The following CCM2 variants were observed in gnomAD, a reference collection of about 807,000 sequenced individuals.
The protein encoded by CCM2 is CCM2 scaffold protein, also known as cerebral cavernous malformations 2 protein.
CCM2 carries 25 observed loss-of-function variants against 44.9 expected under a neutral mutation model. The observed-to-expected ratio is 0.56, with a 90% CI of 0.41 to 0.78. CCM2 has a LOEUF of 0.78. Ranked by LOEUF, CCM2 falls within the 30% of genes least tolerant of loss-of-function variation. The pLI, the probability that CCM2 is intolerant of heterozygous loss-of-function variation, is 0.00. For synonymous variants in CCM2, 219 were observed against 241.1 expected (o/e 0.91, Z 0.85); for missense variants, 481 against 580.6 (o/e 0.83, Z 1.76).
At chr7:45,058,784 AT>A (rs200949822) in intron 2 of CCM2, among the ~76,000 whole-genome samples, 12 of 150,228 alleles carry the variant, frequency 8.0e-5, no homozygotes, top group South Asian at 6.3e-4. Flanking sequence ...ACAACGATAT[AT>A]TTTTTTTTGA....
At chr7:45,074,507 A>C (rs750790401) in intron 9 of CCM2, 99 bp downstream of exon 9, 11 of 952,114 alleles carry the variant, frequency 1.2e-5, no homozygotes, top group Non-Finnish European at 1.8e-5. Flanking sequence ...TGGGTGCAGC[A>C]GGGGCTCCAT....
intron 5 of CCM2, among the ~76,000 whole-genome samples, chr7:45,068,857 G>A (rs1175586451): frequency 1.3e-5 from 2 of 152,028 alleles, no homozygotes; most frequent in Non-Finnish European, 2.9e-5. Context: ...GCTCCCCACC[G>A]GTTCCCACCC....
rs1405391565 is a variant in CCM2 at position 45,042,249 on chromosome 7, G to A, written c.204+3823G>A. 4.8e-5 allele frequency among the ~76,000 whole-genome samples: 3 copies of A among 62,700 alleles called. No individual in the cohort carries two copies. In the East Asian group the frequency reaches 1.4e-3, roughly 30 times the overall value. The allele number at this position is 62,700 out of a possible 152,430, so 41.1% of individuals were successfully genotyped here. ...CCACTGCACTCCAGCCTGGGTAACA[G>A]AGCGAGATTCCATCTCAAAAAAAAA... is the stretch of plus-strand genomic sequence containing the variant. On this transcript the variant is annotated intron_variant, in intron 2 of 9. Coordinates refer to ENST00000258781, the MANE Select transcript of CCM2 (RefSeq NM_031443.4).
At chr7:45,052,739 A>G (rs2128741016) in intron 2 of CCM2, among the ~76,000 whole-genome samples, 1 of 152,298 alleles carries the variant, frequency 6.6e-6, no homozygotes, top group South Asian at 2.1e-4. Context: ...CATAATTTCT[A>G]TAGGAGCCAG....
chr7:45,000,333 T>C lies in CCM2; in HGVS notation c.-1T>C. On this transcript the variant is annotated 5_prime_UTR_variant, in exon 1 of 10. Transcript: ENST00000258781. ...GGGCCGCGGGAGCCGCACGCGGCGA[T>C]ATGGAAGAGGAGGGCAAGAAGGGCA... The C allele has an allele frequency of 8.4e-7, 1 of 1,197,544 alleles. No homozygotes were observed. Among genetic ancestry groups the C allele is most frequent in the South Asian group, 3.1e-5 (1 of 32,782 alleles). The allele number at this position is 1,197,544 out of a possible 1,614,324, so 74.2% of individuals were successfully genotyped here. A position where few individuals can be genotyped will look rare whatever the true frequency, so the allele number is the denominator to read the frequency against.
At chr7:45,070,092 A>C (rs567486955) in intron 6 of CCM2, 131 bp downstream of exon 6, 14 of 1,210,998 alleles carry the variant, frequency 1.2e-5, no homozygotes, top group Admixed American at 3.8e-5. Context: ...TTTTGTTTCC[A>C]GACTTTGCTG....
At position 45,012,130 on chromosome 7, in the gene CCM2, C is replaced by CTTTTTTTTTTTTTTTTTTTTTTTT. The variant is rs60568953; in HGVS notation, c.30+11787_30+11788insTTTTTTTTTTTTTTTTTTTTTTTT. On this transcript the variant is annotated intron_variant, in intron 1 of 9. Coordinates refer to ENST00000258781, the MANE Select transcript of CCM2 (RefSeq NM_031443.4). The stretch of plus-strand genomic sequence containing the variant: ...ACATACACATTTAGGATCATAATAT[C>CTTTTTTTTTTTTTTTTTTTTTTTT]TTTTTTTTTTTTTTTTTTTTGAGAT... Among the ~76,000 whole-genome samples the CTTTTTTTTTTTTTTTTTTTTTTTT allele has an allele frequency of 3.2e-5, 3 of 94,090 alleles. 1 individual carries two copies. Among genetic ancestry groups the CTTTTTTTTTTTTTTTTTTTTTTTT allele is most frequent in the Non-Finnish European group, 4.4e-5 (2 of 45,856 alleles). The allele number at this position is 94,090 out of a possible 152,430, so 61.7% of individuals were successfully genotyped here. A position where few individuals can be genotyped will look rare whatever the true frequency, so the allele number is the denominator to read the frequency against.
intron 6 of CCM2, chr7:45,071,735 CCT>C (rs1235294162): frequency 2.2e-6 from 1 of 456,686 alleles, no homozygotes; most frequent in Admixed American, 2.3e-5. Context: ...CATGGCCCTT[CCT>C]CTGTCTTCAC....
Position 45,038,429 on chromosome 7 carries a change from A to G in CCM2, c.204+3A>G, listed in dbSNP as rs1476040740. On this transcript the variant is annotated splice_donor_region_variant and intron_variant, in intron 2 of 9. Transcript: ENST00000258781. ...ACTATATTGAGAAGGAGGTAAAGGT[A>G]AGTCGTCATGGGCCACAGGACGTGC... is the stretch of plus-strand genomic sequence containing the variant. 1 of 1,613,924 alleles carries G rather than the reference A, an allele frequency of 6.2e-7. No individual in the cohort carries two copies. Among genetic ancestry groups the G allele is most frequent in the Non-Finnish European group, 8.5e-7 (1 of 1,180,006 alleles).
At chr7:45,051,880 T>C (rs983762127) in intron 2 of CCM2, among the ~76,000 whole-genome samples, 2 of 152,154 alleles carry the variant, frequency 1.3e-5, no homozygotes, top group Non-Finnish European at 2.9e-5. Flanking sequence ...TAATTTTTTG[T>C]ATTTTTAGTA....
intron 2 of CCM2, among the ~76,000 whole-genome samples, chr7:45,055,131 A>G (rs1420852782): frequency 1.3e-5 from 2 of 152,160 alleles, no homozygotes; most frequent in African/African-American, 4.8e-5. Flanking sequence ...CACCAAAGAA[A>G]AGCAAGATAA....
chr7:45,048,954 C>G (rs1797878159), intron 2 of CCM2, among the ~76,000 whole-genome samples: 1 of 152,102 alleles, frequency 6.6e-6, no homozygotes. Flanking sequence ...AAGCTCTTCT[C>G]AGATTTGTTA....
chr7:45,013,725 T>C (rs1341062482), intron 1 of CCM2, among the ~76,000 whole-genome samples: 1 of 152,264 alleles, frequency 6.6e-6, no homozygotes, highest in Non-Finnish European at 1.5e-5. Context: ...TGCATGTCTC[T>C]TTAGGCTCTT....
Position 45,004,576 on chromosome 7 carries a change from G to T in CCM2, c.30+4213G>T, listed in dbSNP as rs989666733. On this transcript the variant is annotated intron_variant, in intron 1 of 9. Coordinates refer to ENST00000258781, the MANE Select transcript of CCM2 (RefSeq NM_031443.4). ...ACCTTTTAAAATTTGGTCACTGCAG[G>T]CACCAGGAAGCCATACCTTCTCCAT... Among the ~76,000 whole-genome samples, 6 of 152,194 alleles carry T rather than the reference G, an allele frequency of 3.9e-5. No individual in the cohort carries two copies. The East Asian group carries it at 9.6e-4, about 24-fold the overall frequency.
At chr7:45,061,083 A>G (rs1323694067) in intron 2 of CCM2, among the ~76,000 whole-genome samples, 1 of 152,038 alleles carries the variant, frequency 6.6e-6, no homozygotes, top group Non-Finnish European at 1.5e-5. Context: ...TTTGTCTTCC[A>G]TTGTTTTTGG....
In CCM2 at chr7:45,074,106, A is replaced by G; in HGVS notation, c.916-164A>G. The G allele has an allele frequency of 2.7e-6, 4 of 1,458,596 alleles. No individual in the cohort carries two copies. The South Asian group carries it at 4.0e-5, about 15-fold the overall frequency. 90.4% of individuals were successfully genotyped at this position (1,458,596 alleles called of 1,614,324 possible). ...TGGGTGGCCCCGTGCCAGGTCTGGT[A>G]GGATGGGGACACATTGTGGTCATTC... is the stretch of plus-strand genomic sequence containing the variant. On this transcript the variant is annotated intron_variant, in intron 8 of 9. Transcript: ENST00000258781.
chr7:45,061,324 G>C, intron 2 of CCM2, among the ~76,000 whole-genome samples: 1 of 152,152 alleles, frequency 6.6e-6, no homozygotes, highest in East Asian at 1.9e-4. Flanking sequence ...AGACATAAAC[G>C]ATAGAGGAGG....
At chr7:45,001,456 G>A (rs1442530750) in intron 1 of CCM2, among the ~76,000 whole-genome samples, 1 of 152,278 alleles carries the variant, frequency 6.6e-6, no homozygotes, top group Admixed American at 6.5e-5. Context: ...GCGCACAGAA[G>A]AGGGAGGAGC....
At chr7:45,065,644 G>A (rs1044575183) in intron 4 of CCM2, among the ~76,000 whole-genome samples, 3 of 152,252 alleles carry the variant, frequency 2.0e-5, no homozygotes, top group Non-Finnish European at 4.4e-5. Context: ...AAGCCTGTGA[G>A]TCTAGATGCT....
Sources: allele counts gnomAD v4.1 joint callset (sites outside exome capture counted in the v4.1 genomes callset), GRCh38; gene constraint gnomAD v4.1.1; transcripts MANE v1.5; gene names NCBI Gene and HGNC (gene_info 2026-07-23, HGNC 2026-07-21).